Variants in TNFRSF10A observed in about 807,000 individuals in gnomAD.
The protein encoded by TNFRSF10A is tumor necrosis factor receptor superfamily member 10A.
In TNFRSF10A, 44 loss-of-function variants were observed where a neutral mutation model predicts 42.8. The observed-to-expected ratio is 1.03, with a 90% CI of 0.81 to 1.32. TNFRSF10A has a LOEUF of 1.32. TNFRSF10A is among the 40% of genes most tolerant of loss of function. The pLI, the probability that TNFRSF10A is intolerant of heterozygous loss-of-function variation, is 0.00. For missense variants in TNFRSF10A, 680 were observed against 602.0 expected, an observed-to-expected ratio of 1.13 and a Z score of -1.36; for synonymous variants, 259 against 234.2, an observed-to-expected ratio of 1.11 and a Z score of -0.97.
At chr8:23,209,329 A>G (rs556183485) in intron 2 of TNFRSF10A, among the ~76,000 whole-genome samples, 17 of 152,362 alleles carry the variant, frequency 1.1e-4, no homozygotes, top group African/African-American at 4.1e-4. Context: ...CAGAGCCCCC[A>G]CACGGAGTCC....
chr8:23,207,014 A>T, intron 2 of TNFRSF10A: 1 of 413,464 alleles, frequency 2.4e-6, no homozygotes, highest in South Asian at 2.2e-5. Context: ...AAAGGTGTCC[A>T]CTGCCATGAA....
Position 23,197,186 on chromosome 8 carries a change from C to T in TNFRSF10A, c.1033G>A (p.Gly345Arg), listed in dbSNP as rs372908951. 1.9e-6 allele frequency: 3 copies of T among 1,614,032 alleles called. No individual in the cohort carries two copies. In the African/African-American group the frequency reaches 4.0e-5, roughly 22 times the overall value. The change falls in exon 9 of 10, where the codon GGG (glycine) becomes AGG (arginine). Residue 345 changes from glycine to arginine, a missense_variant. Gly to Arg is a moderately radical substitution (Grantham distance 125). Coordinates refer to ENST00000221132, the MANE Select transcript of TNFRSF10A (RefSeq NM_003844.4). ...QCLLGPAEAE[G>R]SQRRRLLVPA... ...ACCAGCAGCCTCCTCCTCTGAGACC[C>T]TTCAGCTTCTGCCGGTCCCTGTAAC...
intron 1 of TNFRSF10A, among the ~76,000 whole-genome samples, chr8:23,215,600 A>G (rs1445921236): frequency 6.6e-6 from 1 of 152,208 alleles, no homozygotes; most frequent in Non-Finnish European, 1.5e-5. Flanking sequence ...GAATATTTAA[A>G]TTATCTTTAT....
intron 8 of TNFRSF10A, among the ~76,000 whole-genome samples, chr8:23,198,798 G>A (rs1800865612): frequency 6.6e-6 from 1 of 152,168 alleles, no homozygotes; most frequent in South Asian, 2.1e-4. Flanking sequence ...TACACAGTAA[G>A]CAGCACTGTT....
chr8:23,200,849 T>A (rs987801263), intron 4 of TNFRSF10A, 89 bp from the exon 5 acceptor site: 1 of 1,251,672 alleles, frequency 8.0e-7, no homozygotes, highest in Non-Finnish European at 1.2e-6. Flanking sequence ...CTGCCCAATG[T>A]CCCTGAGAAG....
chr8:23,200,610 G>A lies in TNFRSF10A; in HGVS notation c.704-10C>T. The stretch of plus-strand genomic sequence containing the variant: ...ATATTATGTCCATTGCCTGAGAAAA[G>A]ACAGGAAAAGACAGGAGTCTCGGGC... On this transcript the variant is annotated splice_polypyrimidine_tract_variant and intron_variant, in intron 5 of 9. Coordinates refer to ENST00000221132, the MANE Select transcript of TNFRSF10A (RefSeq NM_003844.4). 4.3e-6 allele frequency: 7 copies of A among 1,613,994 alleles called. No individual in the cohort carries two copies. Among genetic ancestry groups the A allele is most frequent in the Non-Finnish European group, 5.9e-6 (7 of 1,179,850 alleles).
intron 1 of TNFRSF10A, among the ~76,000 whole-genome samples, chr8:23,214,596 T>C (rs192117088): frequency 4.6e-5 from 7 of 152,362 alleles, no homozygotes; most frequent in African/African-American, 1.7e-4. Context: ...TTGGAAAAGA[T>C]AGTTTGTTTT....
rs752538952 is a variant in TNFRSF10A at position 23,197,199 on chromosome 8, C to T, written c.1020G>A (p.Pro340=). The stretch of plus-strand genomic sequence containing the variant: ...TCCTCTGAGACCCTTCAGCTTCTGC[C>T]GGTCCCTGTAACACACAGTGGGGAA... ...SPGEAQCLLG[P]AEAEGSQRRR... The change falls in exon 9 of 10, where the codon CCG becomes CCA. Residue 340 remains proline, a synonymous_variant. Transcript: ENST00000221132. 82 of 1,614,002 alleles carry T rather than the reference C, an allele frequency of 5.1e-5. No individual in the cohort carries two copies. Among genetic ancestry groups the T allele is most frequent in the Admixed American group, 2.2e-4 (13 of 60,000 alleles).
At chr8:23,208,640 T>C (rs2128849685) in intron 2 of TNFRSF10A, among the ~76,000 whole-genome samples, 1 of 152,262 alleles carries the variant, frequency 6.6e-6, no homozygotes, top group Middle Eastern at 3.4e-3. Context: ...GTATTTTTAG[T>C]AGAGACGGGG....
In TNFRSF10A at chr8:23,191,733, G is replaced by C. The variant is rs753246257; in HGVS notation, c.1368C>G (p.Tyr456Ter). The C allele has an allele frequency of 6.2e-7, 1 of 1,614,132 alleles. No individual in the cohort carries two copies. Among genetic ancestry groups the C allele is most frequent in the Non-Finnish European group, 8.5e-7 (1 of 1,180,036 alleles). The part of the protein sequence containing the change: ...DLLVDSGKFI[Y>*]LEDGTGSAVS... ...CGGCAGAGCCTGTGCCATCTTCTAA[G>C]TAGATGAACTTTCCAGAGTCCACCA... The change falls in exon 10 of 10, where the codon TAC becomes TAG. Residue 456 changes from tyrosine to a stop codon, truncating the protein, a stop_gained. Transcript: ENST00000221132. LOFTEE classifies it low-confidence loss of function (END_TRUNC).
rs1800761010 is a variant in TNFRSF10A, at chr8:23,191,924, C to A, written c.1177G>T (p.Glu393Ter). ...LMRQLDLTKNEIDVVRAGTAG... is the reference protein window; with the variant it reads ...LMRQLDLTKN ...GTACCAGCTCTGACCACATCGATCT[C>A]ATTTTTCGTGAGGTCCAGCTGCCTC... The change falls in exon 10 of 10, where the codon GAG becomes TAG. Residue 393 changes from glutamate (E) to a stop codon, truncating the protein, a stop_gained. Transcript: ENST00000221132. LOFTEE classifies it low-confidence loss of function (END_TRUNC). 6.2e-7 allele frequency: 1 copy of A among 1,614,184 alleles called. No individual in the cohort carries two copies.
intron 3 of TNFRSF10A, 99 bp downstream of exon 3, chr8:23,202,549 A>G: frequency 2.3e-6 from 2 of 880,298 alleles, no homozygotes; most frequent in Admixed American, 1.8e-5. Flanking sequence ...ATGAAGACCA[A>G]GTTGGGCTGG....
chr8:23,217,556 A>C (rs2128851474), intron 1 of TNFRSF10A, among the ~76,000 whole-genome samples: 1 of 152,092 alleles, frequency 6.6e-6, no homozygotes, highest in East Asian at 1.9e-4. Context: ...CTTAAAAAAA[A>C]ATCTCTACTA....
At chr8:23,221,246 A>G (rs1801252006) in intron 1 of TNFRSF10A, among the ~76,000 whole-genome samples, 1 of 152,150 alleles carries the variant, frequency 6.6e-6, no homozygotes, top group Admixed American at 6.5e-5. Flanking sequence ...GCCAACACAG[A>G]CCACTGTGGT....
At chr8:23,211,776 A>C (rs1477660776) in intron 2 of TNFRSF10A, among the ~76,000 whole-genome samples, 1 of 152,218 alleles carries the variant, frequency 6.6e-6, no homozygotes, top group Non-Finnish European at 1.5e-5. Context: ...ATTTAATGGG[A>C]AAAATCATCA....
rs540165698 is a variant in TNFRSF10A, at chr8:23,207,444, T to C, written c.403+4672A>G. ...AAAACAAAGTTGAGGCCCAGATGCC[T>C]TTACCACTGAATGATACCAACCATT... is the stretch of plus-strand genomic sequence containing the variant. On this transcript the variant is annotated intron_variant, in intron 2 of 9. Transcript: ENST00000221132. The C allele has an allele frequency of 2.1e-3, 989 of 462,490 alleles. 1 individual carries two copies. The highest frequency in any genetic ancestry group is 9.1e-3 in the Middle Eastern group (12 of 1,314). The allele number at this position is 462,490 out of a possible 1,614,324, so 28.6% of individuals were successfully genotyped here. A position where few individuals can be genotyped will look rare whatever the true frequency, so the allele number is the denominator to read the frequency against.
intron 7 of TNFRSF10A, 140 bp downstream of exon 7, chr8:23,199,746 G>A (rs1585280554): frequency 8.4e-7 from 1 of 1,193,954 alleles, no homozygotes; most frequent in Middle Eastern, 2.0e-4. Context: ...GTCCCCCATA[G>A]TCAATGCACA....
rs1383505204 is a variant in TNFRSF10A, at chr8:23,200,728, C to T, written c.662G>A (p.Cys221Tyr). The T allele has an allele frequency of 9.1e-6, 13 of 1,433,826 alleles. No homozygotes were observed. The highest frequency in any genetic ancestry group is 1.1e-5 in the South Asian group (1 of 88,726). 88.8% of individuals were successfully genotyped at this position (1,433,826 alleles called of 1,614,324 possible). A position where few individuals can be genotyped will look rare whatever the true frequency, so the allele number is the denominator to read the frequency against. ...CPRGMVKVKDCTPWSDIECVH... is the reference protein window; with the variant it reads ...CPRGMVKVKDYTPWSDIECVH... ...ACACTCGATGTCACTCCAGGGCGTA[C>T]AATCCTTGACCTTGACCATCCCTCT... Residue 221 changes from cysteine to tyrosine, a missense_variant, in exon 5 of 10, where the codon TGT becomes TAT. By Grantham distance (194) the Cys-to-Tyr change is radical. Coordinates refer to ENST00000221132, the MANE Select transcript of TNFRSF10A (RefSeq NM_003844.4).
intron 2 of TNFRSF10A, among the ~76,000 whole-genome samples, chr8:23,209,521 C>T (rs1354923718): frequency 6.6e-6 from 1 of 152,208 alleles, no homozygotes; most frequent in Non-Finnish European, 1.5e-5. Context: ...GGCGGAGCTG[C>T]CCAAGACTAT....
Sources: allele counts gnomAD v4.1 joint callset (sites outside exome capture counted in the v4.1 genomes callset), GRCh38; gene constraint gnomAD v4.1.1; transcripts MANE v1.5; gene names NCBI Gene and HGNC (gene_info 2026-07-23, HGNC 2026-07-21).